WDR27: variants seen among roughly 807,000 people sequenced by gnomAD.
WDR27 encodes the protein WD repeat-containing protein 27.
WDR27 carries 100 observed loss-of-function variants against 114.4 expected under a neutral mutation model. The observed-to-expected ratio is 0.87, with a 90% CI of 0.74 to 1.03. The LOEUF (loss-of-function observed/expected upper bound fraction) is 1.03. Ranked by LOEUF, WDR27 falls within the 50% of genes least tolerant of loss-of-function variation. The probability of loss-of-function intolerance (pLI) is 0.00; values close to 1 mark genes in which losing one functional copy is unlikely to be tolerated. For synonymous variants in WDR27, 449 were observed against 423.1 expected (o/e 1.06, Z -0.75); for missense variants, 1,129 against 1,092.9 (o/e 1.03, Z -0.47).
chr6:169,546,088 C>T lies in WDR27; in HGVS notation c.2645+26331G>A, dbSNP rs529489302. Among the ~76,000 whole-genome samples the T allele has an allele frequency of 1.4e-3, 208 of 152,262 alleles. 4 individuals are homozygous for T. The South Asian group carries it at 0.017, about 13-fold the overall frequency. On this transcript the variant is annotated intron_variant, in intron 25 of 25. Transcript: ENST00000448612. ...CGCAATGCAGTATCTATCAGACACA[C>T]TTATCTCTGTGGCTCAAATAGAAAA...
chr6:169,462,424 G>A (rs771894676), intron 25 of WDR27, among the ~76,000 whole-genome samples: 1 of 151,890 alleles, frequency 6.6e-6, no homozygotes, highest in Non-Finnish European at 1.5e-5. Flanking sequence ...GCAACAGAGA[G>A]AGACTGTCTC....
chr6:169,508,812 T>C, intron 25 of WDR27, among the ~76,000 whole-genome samples: 2 of 152,360 alleles, frequency 1.3e-5, no homozygotes, highest in East Asian at 3.9e-4. Flanking sequence ...TATTTGAATC[T>C]ATCACGTTAT....
intron 15 of WDR27, among the ~76,000 whole-genome samples, chr6:169,648,406 G>C (rs1477405807): frequency 1.3e-5 from 2 of 152,210 alleles, no homozygotes; most frequent in Non-Finnish European, 1.5e-5. Context: ...GCTCTGTCTG[G>C]ACAGTGGGGC....
intron 25 of WDR27, among the ~76,000 whole-genome samples, chr6:169,482,948 T>C (rs1442626156): frequency 1.3e-5 from 2 of 152,120 alleles, no homozygotes; most frequent in Admixed American, 6.6e-5. Flanking sequence ...GGGTAAATAA[T>C]AGAATGAAGG....
At chr6:169,500,528 G>C (rs1371125431) in intron 25 of WDR27, among the ~76,000 whole-genome samples, 1 of 152,184 alleles carries the variant, frequency 6.6e-6, no homozygotes, top group Non-Finnish European at 1.5e-5. Flanking sequence ...ACCTCCCGCT[G>C]GTCTACGACC....
intron 2 of WDR27, among the ~76,000 whole-genome samples, chr6:169,681,916 C>T (rs1781622431): frequency 6.6e-6 from 1 of 152,120 alleles, no homozygotes; most frequent in Non-Finnish European, 1.5e-5. Flanking sequence ...CTCCTCTGTG[C>T]CAACTAGACC....
At chr6:169,669,203 G>T (rs1218214001) in intron 4 of WDR27, among the ~76,000 whole-genome samples, 3 of 152,188 alleles carry the variant, frequency 2.0e-5, no homozygotes, top group Admixed American at 6.5e-5. Context: ...AAATCAAATG[G>T]TATAAACTGT....
chr6:169,689,377 T>C (rs187083992), intron 1 of WDR27: 121 of 160,426 alleles, frequency 7.5e-4, no homozygotes, highest in African/African-American at 2.7e-3. Context: ...GGTGCAGCGC[T>C]GTGGCACTTA....
chr6:169,521,954 CA>C (rs1250133039), intron 25 of WDR27, among the ~76,000 whole-genome samples: 1 of 151,700 alleles, frequency 6.6e-6, no homozygotes, highest in Non-Finnish European at 1.5e-5. Context: ...AGAAAACAAG[CA>C]AAAAATGGCC....
chr6:169,643,756 G>C lies in WDR27; in HGVS notation c.1688C>G (p.Ala563Gly). ...GDGQWLACGLANHLLLVFDAS... is the reference protein window; with the variant it reads ...GDGQWLACGLGNHLLLVFDAS... Reference sequence around the variant, plus strand: ...ATCAAAAACGAGTAACAGATGGTTGGCCAACCCACAGGCCAGCCACTGCCC... The same window carrying C: ...ATCAAAAACGAGTAACAGATGGTTGCCCAACCCACAGGCCAGCCACTGCCC... Residue 563 changes from alanine to glycine, a missense_variant, in exon 17 of 26, where the codon GCC becomes GGC. Coordinates refer to ENST00000448612, the MANE Select transcript of WDR27 (RefSeq NM_182552.5). 6.2e-7 allele frequency: 1 copy of C among 1,613,512 alleles called. No homozygotes were observed. The highest frequency in any genetic ancestry group is 1.3e-5 in the African/African-American group (1 of 75,056).
chr6:169,645,699 C>A (rs1820538538), intron 16 of WDR27, among the ~76,000 whole-genome samples: 1 of 144,636 alleles, frequency 6.9e-6, no homozygotes, highest in Non-Finnish European at 1.6e-5. Context: ...CACAGGGTCA[C>A]ACTGTAGAAA....
chr6:169,598,082 AC>A lies in WDR27; in HGVS notation c.2424+4136del, dbSNP rs545361078. Among the ~76,000 whole-genome samples, 470 of 152,248 alleles carry A rather than the reference AC, an allele frequency of 3.1e-3. 4 individuals carry two copies. The highest frequency in any genetic ancestry group is 9.8e-3 in the African/African-American group (406 of 41,548). ...GGTTTGTGTAGTAGTTCTGATAGGCACCCTAGTTAGTTTCACGCTATTCCAT... is the reference window on the plus strand; with the variant it reads ...GGTTTGTGTAGTAGTTCTGATAGGCACCTAGTTAGTTTCACGCTATTCCAT... On this transcript the variant is annotated intron_variant, in intron 23 of 25. Coordinates refer to ENST00000448612, the MANE Select transcript of WDR27 (RefSeq NM_182552.5).
Position 169,651,397 on chromosome 6 carries a change from C to T in WDR27, c.1481+533G>A, listed in dbSNP as rs377107994. ...GTCTGCATTTTCTTCAGAAAAGTCA[C>T]ATTTGCCTTTGAGGAGTGGGCTCCT... is the stretch of plus-strand genomic sequence containing the variant. On this transcript the variant is annotated intron_variant, in intron 14 of 25. Coordinates refer to ENST00000448612, the MANE Select transcript of WDR27 (RefSeq NM_182552.5). Among the ~76,000 whole-genome samples, 30 of 152,056 alleles carry T rather than the reference C, an allele frequency of 2.0e-4. No homozygotes were observed. The South Asian group carries it at 3.5e-3, about 18-fold the overall frequency.
intron 25 of WDR27, among the ~76,000 whole-genome samples, chr6:169,567,898 A>C (rs1175379261): frequency 6.6e-6 from 1 of 152,178 alleles, no homozygotes; most frequent in East Asian, 1.9e-4. Context: ...GTTCCTAGAG[A>C]GGCTGGCCCT....
chr6:169,581,517 T>C (rs1212547764), intron 24 of WDR27, among the ~76,000 whole-genome samples: 2 of 152,234 alleles, frequency 1.3e-5, no homozygotes, highest in Non-Finnish European at 2.9e-5. Context: ...ACAGTGTATA[T>C]GGCAGTCTCA....
At chr6:169,500,730 G>A (rs1464488014) in intron 25 of WDR27, among the ~76,000 whole-genome samples, 2 of 152,176 alleles carry the variant, frequency 1.3e-5, no homozygotes, top group Non-Finnish European at 2.9e-5. Context: ...CAAGGAGAAG[G>A]CACACGACAT....
At chr6:169,692,534 G>A (rs1351391924) in intron 1 of WDR27, among the ~76,000 whole-genome samples, 1 of 152,146 alleles carries the variant, frequency 6.6e-6, no homozygotes, top group Non-Finnish European at 1.5e-5. Context: ...CTTATGGCCT[G>A]GGGCAGGGCT....
At chr6:169,514,530 T>C (rs1793370633) in intron 25 of WDR27, among the ~76,000 whole-genome samples, 1 of 40,240 alleles carries the variant, frequency 2.5e-5, no homozygotes, top group South Asian at 7.9e-4. Flanking sequence ...ATATATATAT[T>C]TATATATTTG....
At chr6:169,699,081 G>A (rs1220411749) in intron 1 of WDR27, among the ~76,000 whole-genome samples, 2 of 152,156 alleles carry the variant, frequency 1.3e-5, no homozygotes, top group Admixed American at 1.3e-4. Flanking sequence ...CTGTAATAAC[G>A]CAGAAAACTT....
Sources: allele counts gnomAD v4.1 joint callset (sites outside exome capture counted in the v4.1 genomes callset), GRCh38; gene constraint gnomAD v4.1.1; transcripts MANE v1.5; gene names NCBI Gene and HGNC (gene_info 2026-07-23, HGNC 2026-07-21).